Variants in SPMIP1 observed in about 807,000 individuals in gnomAD.
The protein encoded by SPMIP1 is protein SPMIP1.
At chr7:128,870,527 T>TCC in the SPMIP1 span, 1 of 152,116 alleles carries the variant, frequency 6.6e-6, no homozygotes, top group South Asian at 2.1e-4. Context: ...GGTCCTCCTC[T>TCC]CAGACTCAGG....
At chr7:128,868,696 G>A in the SPMIP1 span, 1 of 1,535,836 alleles carries the variant, frequency 6.5e-7, no homozygotes, top group Non-Finnish European at 8.7e-7. Context: ...CTGGTCTCCT[G>A]CAAGATGTGC....
chr7:128,870,860 GCCT>G, the SPMIP1 span: 1 of 152,300 alleles, frequency 6.6e-6, no homozygotes. Context: ...TCACTGAAGA[GCCT>G]CCTCCTCACC....
chr7:128,871,003 G>A, the SPMIP1 span: 1 of 152,288 alleles, frequency 6.6e-6, no homozygotes, highest in African/African-American at 2.4e-5. Flanking sequence ...GCTCTTGTAA[G>A]GAGCCTGAGG....
the SPMIP1 span, chr7:128,870,029 G>C: frequency 2.6e-5 from 4 of 152,178 alleles, no homozygotes; most frequent in African/African-American, 4.8e-5. Context: ...CGGGGGCTTC[G>C]GGCGGGTAAG....
chr7:128,867,705 G>C, the SPMIP1 span, among the ~76,000 whole-genome samples: 1 of 152,168 alleles, frequency 6.6e-6, no homozygotes, highest in Non-Finnish European at 1.5e-5. Context: ...CCGAGTAGCT[G>C]GGACTGCAGG....
the SPMIP1 span, chr7:128,869,867 GC>G: frequency 6.6e-6 from 1 of 152,308 alleles, no homozygotes; most frequent in Non-Finnish European, 1.5e-5. Flanking sequence ...CCGGTGCGGG[GC>G]CCACTCCAGG....
the SPMIP1 span, chr7:128,871,631 A>G: frequency 0.1 from 15,476 of 152,282 alleles, 1,435 homozygotes; most frequent in East Asian, 0.32. Context: ...AAGGGATTTC[A>G]TAAGGTCTGA....
chr7:128,866,613 CAA>C, the SPMIP1 span: 1 of 1,534,788 alleles, frequency 6.5e-7, no homozygotes, highest in African/African-American at 1.4e-5. Flanking sequence ...CACCCGCCCC[CAA>C]GTCAGCCCCT....
chr7:128,866,906 G>C, the SPMIP1 span: 3 of 1,378,050 alleles, frequency 2.2e-6, no homozygotes, highest in Non-Finnish European at 2.9e-6. Context: ...TCCTGGTGAA[G>C]GGTCCAGACT....
At chr7:128,866,613 C>CCAAA in the SPMIP1 span, 1 of 1,534,780 alleles carries the variant, frequency 6.5e-7, no homozygotes, top group Non-Finnish European at 8.7e-7. Flanking sequence ...CACCCGCCCC[C>CCAAA]AAGTCAGCCC....
At chr7:128,869,889 C>G in the SPMIP1 span, 5 of 152,082 alleles carry the variant, frequency 3.3e-5, no homozygotes, top group African/African-American at 1.2e-4. Flanking sequence ...GCCCTGCAGC[C>G]CGTGCGGATC....
the SPMIP1 span, chr7:128,868,651 G>A: frequency 1.3e-6 from 2 of 1,518,448 alleles, no homozygotes; most frequent in Non-Finnish European, 1.8e-6. Flanking sequence ...CTTGGCCTCT[G>A]ACATCTTTTC....
chr7:128,871,706 T>C, the SPMIP1 span: 1 of 152,232 alleles, frequency 6.6e-6, no homozygotes, highest in African/African-American at 2.4e-5. Context: ...CGTGTGAATA[T>C]TCCTAACAGT....
chr7:128,868,533 C>T, the SPMIP1 span: 1 of 554,428 alleles, frequency 1.8e-6, no homozygotes, highest in Non-Finnish European at 3.2e-6. Context: ...TCCTCCAAAG[C>T]ACTTTCTATT....
the SPMIP1 span, chr7:128,870,586 G>A: frequency 6.6e-6 from 1 of 152,272 alleles, no homozygotes; most frequent in Non-Finnish European, 1.5e-5. Flanking sequence ...CCTGGCCCAG[G>A]TGCGGGTCCG....
At chr7:128,867,106 T>C in the SPMIP1 span, among the ~76,000 whole-genome samples, 1 of 152,316 alleles carries the variant, frequency 6.6e-6, no homozygotes, top group East Asian at 1.9e-4. Context: ...GCAGGGAAGC[T>C]GATGGAGGGT....
At chr7:128,868,649 C>T in the SPMIP1 span, 6 of 1,510,320 alleles carry the variant, frequency 4.0e-6, no homozygotes, top group Non-Finnish European at 8.9e-7. Context: ...TGCTTGGCCT[C>T]TGACATCTTT....
the SPMIP1 span, chr7:128,866,679 G>C: frequency 7.6e-7 from 1 of 1,318,752 alleles, no homozygotes; most frequent in Non-Finnish European, 9.8e-7. Context: ...AAATGTACCC[G>C]GTACCACCTA....
chr7:128,869,121 G>C, the SPMIP1 span: 39 of 386,666 alleles, frequency 1.0e-4, no homozygotes, highest in African/African-American at 7.0e-4. Context: ...CAGGGAAAGG[G>C]GCCTCCTGCC....
Sources: allele counts gnomAD v4.1 joint callset (sites outside exome capture counted in the v4.1 genomes callset), GRCh38; gene constraint gnomAD v4.1.1; transcripts MANE v1.5; gene names NCBI Gene and HGNC (gene_info 2026-07-23, HGNC 2026-07-21).